Variants in DMD observed in about 807,000 individuals in gnomAD.
The protein encoded by DMD is mutant dystrophin.
Under a neutral mutation model 330.1 loss-of-function variants are expected in DMD, and 63 were observed. The ratio of observed to expected loss-of-function variants is 0.19; its 90% CI spans 0.16 to 0.24. The LOEUF is 0.24. Ranked by LOEUF, DMD falls within the 10% of genes least tolerant of loss-of-function variation. The pLI is 1.00. For synonymous variants in DMD, 1,223 were observed against 959.8 expected (o/e 1.27, Z -5.07); for missense variants, 3,344 against 2,684.1 (o/e 1.25, Z -5.43).
At chrX:33,011,093 T>C (rs1360628046) in intron 2 of DMD, among the ~76,000 whole-genome samples, 1 of 111,772 alleles carries the variant, frequency 8.9e-6, no homozygotes, top group Non-Finnish European at 1.9e-5. Context: ...GGTCTCTATG[T>C]CTATTGCCAA....
intron 44 of DMD, among the ~76,000 whole-genome samples, chrX:32,063,168 TAA>T (rs200468434): frequency 1.1e-5 from 1 of 90,364 alleles, no homozygotes; most frequent in African/African-American, 4.6e-5. Context: ...TCTACTCAAA[TAA>T]TGTTTTAAGT....
chrX:32,776,644 C>T (rs976573551), intron 7 of DMD, among the ~76,000 whole-genome samples: 4 of 110,978 alleles, frequency 3.6e-5, no homozygotes, highest in African/African-American at 9.9e-5. Flanking sequence ...TGGGGACAAC[C>T]GCCTCCCTGA....
chrX:31,212,971 T>C (rs778022761), intron 64 of DMD, among the ~76,000 whole-genome samples: 1 of 112,606 alleles, frequency 8.9e-6, no homozygotes, highest in Non-Finnish European at 1.9e-5. Context: ...AATCTGTATA[T>C]TCTATGTTGA....
chrX:32,639,341 C>T (rs2059301060), intron 11 of DMD, among the ~76,000 whole-genome samples: 2 of 110,991 alleles, frequency 1.8e-5, no homozygotes, highest in Admixed American at 1.9e-4. Flanking sequence ...TTCCGAATTC[C>T]TTACCTCCTA....
At chrX:32,471,808 C>T (rs1213994537) in intron 22 of DMD, among the ~76,000 whole-genome samples, 1 of 111,660 alleles carries the variant, frequency 9.0e-6, no homozygotes, top group Non-Finnish European at 1.9e-5. Flanking sequence ...ATTTTACCCA[C>T]CAGTTTGAGA....
chrX:32,812,445 C>A (rs1228042899), intron 6 of DMD, among the ~76,000 whole-genome samples: 1 of 111,436 alleles, frequency 9.0e-6, no homozygotes, highest in Non-Finnish European at 1.9e-5. Flanking sequence ...CCAGCCTGGA[C>A]AACATGGTAA....
chrX:31,772,132 C>T (rs934240780), intron 51 of DMD, among the ~76,000 whole-genome samples: 4 of 112,180 alleles, frequency 3.6e-5, no homozygotes, highest in South Asian at 3.7e-4. Context: ...TTCTAGAGTT[C>T]GTGGTGGAAC....
intron 34 of DMD, among the ~76,000 whole-genome samples, chrX:32,373,057 T>C (rs1452365039): frequency 9.1e-6 from 1 of 110,320 alleles, no homozygotes; most frequent in Non-Finnish European, 1.9e-5. Flanking sequence ...CATTAAGAAT[T>C]AGAATACCTA....
intron 11 of DMD, chrX:32,641,572 G>T (rs746450662): frequency 1.2e-5 from 2 of 161,448 alleles, no homozygotes; most frequent in Non-Finnish European, 2.8e-5. Flanking sequence ...AAGTATGTTG[G>T]TAGATAGGAT....
At chrX:32,850,085 T>C (rs1266709437) in intron 2 of DMD, among the ~76,000 whole-genome samples, 3 of 111,830 alleles carry the variant, frequency 2.7e-5, no homozygotes, top group Non-Finnish European at 5.6e-5. Flanking sequence ...TTCACTGAAA[T>C]GAATATAGAT....
In DMD at chrX:32,760,087, T is replaced by TG. The variant is rs781427005; in HGVS notation, c.649+49405dup. 4.2e-5 allele frequency among the ~76,000 whole-genome samples: 4 copies of TG among 95,442 alleles called. No individual in the cohort carries two copies. The South Asian group carries it at 1.7e-3, about 40-fold the overall frequency. 82.9% of individuals were successfully genotyped at this position (95,442 alleles called of 115,157 possible). On this transcript the variant is annotated intron_variant, in intron 7 of 78. Transcript: ENST00000357033. ...GTGTTTATATTATACTTTTGACTCT[T>TG]GTAATTATTCTTCTTAAATGTCACA...
chrX:32,345,854 A>G, intron 39 of DMD, 89 bp downstream of exon 39: 1 of 1,001,896 alleles, frequency 1.0e-6, no homozygotes, highest in Non-Finnish European at 1.4e-6. Context: ...ACTAAGTCTG[A>G]AGCAGATTTT....
At chrX:32,581,633 G>A (rs945167983) in intron 13 of DMD, among the ~76,000 whole-genome samples, 12 of 111,623 alleles carry the variant, frequency 1.1e-4, no homozygotes, top group Non-Finnish European at 1.7e-4. Flanking sequence ...ATTAAAAATG[G>A]ACATTTTTAT....
At chrX:31,511,327 T>TATTC (rs1402454910) in intron 55 of DMD, among the ~76,000 whole-genome samples, 15 of 89,174 alleles carry the variant, frequency 1.7e-4, no homozygotes, top group African/African-American at 6.9e-4. Context: ...TTTATTTATT[T>TATTC]ATTTATTTAT....
chrX:33,062,655 T>G (rs2094596217), intron 1 of DMD, among the ~76,000 whole-genome samples: 1 of 111,176 alleles, frequency 9.0e-6, no homozygotes. Flanking sequence ...TTTTGTATTT[T>G]TAGTAGAGAT....
chrX:31,469,539 C>T (rs993859368), intron 59 of DMD, among the ~76,000 whole-genome samples: 9 of 112,126 alleles, frequency 8.0e-5, no homozygotes, highest in Middle Eastern at 4.3e-3. Flanking sequence ...CCAAATGATC[C>T]GCTGTTAGTC....
At chrX:32,527,421 A>C (rs929071378) in intron 17 of DMD, among the ~76,000 whole-genome samples, 1 of 110,852 alleles carries the variant, frequency 9.0e-6, no homozygotes, top group African/African-American at 3.3e-5. Context: ...TCCTGACCCT[A>C]AATCCCCAAC....
At chrX:31,595,266 C>CTGTTTCGGCTCATGGTA (rs1166206516) in intron 55 of DMD, among the ~76,000 whole-genome samples, 1 of 111,363 alleles carries the variant, frequency 9.0e-6, no homozygotes. Flanking sequence ...TTCTGAAGAT[C>CTGTTTCGGCTCATGGTA]TGTTTCGGCT....
At chrX:32,342,387 T>C (rs1164557306) in intron 40 of DMD, 105 bp from the exon 41 acceptor site, 3 of 857,861 alleles carry the variant, frequency 3.5e-6, no homozygotes, top group Non-Finnish European at 3.3e-6. Flanking sequence ...TGTTGTCCCT[T>C]TATTGTCATC....
Sources: allele counts gnomAD v4.1 joint callset (sites outside exome capture counted in the v4.1 genomes callset), GRCh38; gene constraint gnomAD v4.1.1; transcripts MANE v1.5; gene names NCBI Gene and HGNC (gene_info 2026-07-23, HGNC 2026-07-21).